MAP3K7CL: variants seen among roughly 807,000 people sequenced by gnomAD.
The protein encoded by MAP3K7CL is MAP3K7 C-terminal like.
Under a neutral mutation model 18.6 loss-of-function variants are expected in MAP3K7CL, and 16 were observed. That is an observed-to-expected ratio of 0.86 (90% confidence interval 0.58 to 1.31). The LOEUF (loss-of-function observed/expected upper bound fraction) is 1.31. Ranked by LOEUF, MAP3K7CL falls within the 50% of genes most tolerant of loss-of-function variation. The probability of loss-of-function intolerance (pLI) is 0.00; values close to 1 mark genes in which losing one functional copy is unlikely to be tolerated. For synonymous variants in MAP3K7CL, 65 were observed against 66.8 expected, an observed-to-expected ratio of 0.97 and a Z score of 0.13; for missense variants, 163 against 174.4, an observed-to-expected ratio of 0.93 and a Z score of 0.37.
chr21:29,123,734 A>T (rs964187112), intron 4 of MAP3K7CL, among the ~76,000 whole-genome samples: 2 of 152,076 alleles, frequency 1.3e-5, no homozygotes, highest in Non-Finnish European at 2.9e-5. Flanking sequence ...AATGTTGGGG[A>T]ATTACTGTGG....
chr21:29,120,973 G>A (rs1223809543), intron 4 of MAP3K7CL, among the ~76,000 whole-genome samples: 2 of 149,188 alleles, frequency 1.3e-5, no homozygotes, highest in African/African-American at 4.9e-5. Flanking sequence ...GTCTGAGGTG[G>A]GAGCATCACT....
At chr21:29,145,745 C>T (rs897393511) in intron 2 of MAP3K7CL, 10 of 152,150 alleles carry the variant, frequency 6.6e-5, no homozygotes, top group South Asian at 6.2e-4. Flanking sequence ...TTCTTGTTTC[C>T]GCTGCTATTT....
At position 29,106,348 on chromosome 21, in the gene MAP3K7CL, T is replaced by C. The variant is rs189534448; in HGVS notation, c.370+13767T>C. On this transcript the variant is annotated intron_variant, in intron 4 of 6. Coordinates refer to the MAP3K7CL transcript ENST00000286791. ...ACAGGCATGCACCACCACACCTGGC[T>C]AATTTTGTATTTTTAGTAGAGACAG... 2.2e-3 allele frequency among the ~76,000 whole-genome samples: 342 copies of C among 152,246 alleles called. 1 individual carries two copies. The highest frequency in any genetic ancestry group is 7.8e-3 in the African/African-American group (324 of 41,544).
rs181382982 is a variant in MAP3K7CL, at chr21:29,133,755, G to A, written c.70+341G>A. 1.4e-4 allele frequency among the ~76,000 whole-genome samples: 22 copies of A among 152,328 alleles called. 1 individual carries two copies. The highest frequency in any genetic ancestry group is 1.4e-3 in the Admixed American group (22 of 15,300). ...CTGCATGAGGAAACTTTTATTAGGA[G>A]CTGGCAGTTGGTTAGGTAATATGAA... On this transcript the variant is annotated intron_variant, in intron 2 of 4. Coordinates refer to ENST00000399928, the MANE Select transcript of MAP3K7CL (RefSeq NM_001286620.2).
chr21:29,164,590 G>C (rs2087638454), intron 4 of MAP3K7CL, among the ~76,000 whole-genome samples: 1 of 152,230 alleles, frequency 6.6e-6, no homozygotes. Context: ...GTGATGAGAA[G>C]AGTTGCTGAA....
intron 1 of MAP3K7CL, among the ~76,000 whole-genome samples, chr21:29,079,128 C>T (rs962266218): frequency 2.6e-5 from 4 of 152,118 alleles, no homozygotes; most frequent in African/African-American, 9.7e-5. Flanking sequence ...GCAGGAAGAC[C>T]CACGTCTCAT....
chr21:29,126,490 C>T (rs1157251594), upstream of MAP3K7CL, among the ~76,000 whole-genome samples: 1 of 151,996 alleles, frequency 6.6e-6, no homozygotes, highest in African/African-American at 2.4e-5. Flanking sequence ...TGAAGTTTTG[C>T]TCTTGTTGCC....
chr21:29,164,251 A>T (rs2087629194), intron 4 of MAP3K7CL, among the ~76,000 whole-genome samples: 1 of 152,066 alleles, frequency 6.6e-6, no homozygotes, highest in African/African-American at 2.4e-5. Context: ...ATTTTGCAAC[A>T]TGTCTTTTCC....
At chr21:29,170,770 C>T (rs2087807231) in intron 4 of MAP3K7CL, among the ~76,000 whole-genome samples, 2 of 151,830 alleles carry the variant, frequency 1.3e-5, no homozygotes, top group South Asian at 2.1e-4. Context: ...TCCCGAGTAG[C>T]TGGGATTACA....
intron 3 of MAP3K7CL, among the ~76,000 whole-genome samples, chr21:29,158,990 G>A (rs546619069): frequency 7.4e-5 from 10 of 135,880 alleles, no homozygotes; most frequent in South Asian, 2.2e-4. Flanking sequence ...GCATGATCTC[G>A]GCTCACTGCA....
chr21:29,150,248 G>A (rs926340005), intron 3 of MAP3K7CL, among the ~76,000 whole-genome samples: 3 of 152,202 alleles, frequency 2.0e-5, no homozygotes, highest in African/African-American at 7.2e-5. Context: ...CCTTCCGCAA[G>A]CCAAGATAGT....
At chr21:29,092,863 T>A (rs1254994671) in intron 4 of MAP3K7CL, among the ~76,000 whole-genome samples, 1 of 152,216 alleles carries the variant, frequency 6.6e-6, no homozygotes, top group African/African-American at 2.4e-5. Context: ...CTTAACTGAT[T>A]ACAAATCTCT....
chr21:29,102,669 G>C (rs1009217326), intron 4 of MAP3K7CL: 13 of 151,982 alleles, frequency 8.6e-5, no homozygotes, highest in Non-Finnish European at 1.5e-4. Context: ...AGCCCCAAAA[G>C]GGGGGAGACT....
chr21:29,083,583 G>A (rs1248808297), upstream of MAP3K7CL, among the ~76,000 whole-genome samples: 1 of 151,718 alleles, frequency 6.6e-6, no homozygotes, highest in African/African-American at 2.4e-5. Flanking sequence ...TTTTATGGCC[G>A]CTATGAATCT....
chr21:29,096,952 A>G (rs540699356), intron 4 of MAP3K7CL, among the ~76,000 whole-genome samples: 2 of 152,320 alleles, frequency 1.3e-5, no homozygotes, highest in East Asian at 3.9e-4. Context: ...AACTGAAAAG[A>G]AAAAGGAGGT....
At chr21:29,081,125 TTTCTC>T (rs1382839676), upstream of MAP3K7CL, among the ~76,000 whole-genome samples, 1 of 152,194 alleles carries the variant, frequency 6.6e-6, no homozygotes, top group Non-Finnish European at 1.5e-5. Context: ...GAGGGCCTCT[TTTCTC>T]AGGCTTATAT....
chr21:29,088,053 C>T (rs1228283620), intron 1 of MAP3K7CL, among the ~76,000 whole-genome samples: 1 of 152,130 alleles, frequency 6.6e-6, no homozygotes, highest in Non-Finnish European at 1.5e-5. Context: ...AGAGCTTCTT[C>T]GTTGAACCAC....
chr21:29,107,217 G>A (rs1396649163), intron 4 of MAP3K7CL, among the ~76,000 whole-genome samples: 2 of 152,206 alleles, frequency 1.3e-5, no homozygotes, highest in African/African-American at 2.4e-5. Flanking sequence ...TCAGGAGGCT[G>A]AGGCAGAGAA....
upstream of MAP3K7CL, among the ~76,000 whole-genome samples, chr21:29,081,239 G>T (rs944970430): frequency 6.6e-6 from 1 of 152,198 alleles, no homozygotes; most frequent in South Asian, 2.1e-4. Flanking sequence ...CCTGGAGGAG[G>T]TTTTCTGCTA....
Sources: gnomAD v4.1 joint callset for allele counts (sites outside exome capture counted in the v4.1 genomes callset) on GRCh38, gnomAD v4.1.1 for gene constraint, MANE v1.5 for transcripts, NCBI Gene and HGNC (gene_info 2026-07-23, HGNC 2026-07-21) for gene names.